MALRD1: variants seen among roughly 807,000 people sequenced by gnomAD.
MALRD1 encodes the protein MAM and LDL-receptor class A domain-containing protein 1.
In MALRD1, 247 loss-of-function variants were observed where a neutral mutation model predicts 242.1. The observed-to-expected ratio is 1.02, with a 90% CI of 0.92 to 1.13. The LOEUF is 1.13. Among genes scored for constraint, MALRD1 ranks in the 50% most tolerant of loss-of-function variants. The pLI is 0.00. For missense variants in MALRD1, 2,989 were observed against 2,533.1 expected (o/e 1.18, Z -3.86); for synonymous variants, 995 against 866.6 (o/e 1.15, Z -2.60).
intron 33 of MALRD1, among the ~76,000 whole-genome samples, chr10:19,590,745 C>T (rs891543798): frequency 6.6e-6 from 1 of 151,792 alleles, no homozygotes; most frequent in East Asian, 1.9e-4. Context: ...ACTTTATATT[C>T]TACAGCAGTT....
chr10:19,103,566 T>TAAAAAAA (rs1349573768), intron 4 of MALRD1, among the ~76,000 whole-genome samples: 123 of 139,450 alleles, frequency 8.8e-4, no homozygotes, highest in Admixed American at 2.9e-3. Flanking sequence ...AAAAAAAAAA[T>TAAAAAAA]AAATAAAGAT....
At chr10:19,110,218 C>T (rs1465391283) in intron 5 of MALRD1, among the ~76,000 whole-genome samples, 1 of 152,160 alleles carries the variant, frequency 6.6e-6, no homozygotes. Flanking sequence ...GTCTTGCTAA[C>T]ATCACTCCAG....
At chr10:19,198,634 G>A (rs986334097) in intron 14 of MALRD1, among the ~76,000 whole-genome samples, 9 of 152,226 alleles carry the variant, frequency 5.9e-5, no homozygotes, top group African/African-American at 9.6e-5. Context: ...AGAAGCATAA[G>A]AGACCCATGA....
intron 15 of MALRD1, 50 bp downstream of exon 15, chr10:19,203,930 A>G: frequency 6.5e-7 from 1 of 1,543,270 alleles, no homozygotes; most frequent in Non-Finnish European, 8.8e-7. Flanking sequence ...CTGTTTAGTT[A>G]GACTTCAGAA....
chr10:19,353,061 C>A (rs756907041), intron 26 of MALRD1, among the ~76,000 whole-genome samples: 10 of 151,820 alleles, frequency 6.6e-5, no homozygotes, highest in Non-Finnish European at 1.5e-4. Context: ...CACTGGAGTG[C>A]AGTGGTACAA....
Position 19,069,705 on chromosome 10 carries a change from A to G in MALRD1, c.340+2846A>G, listed in dbSNP as rs1030265245. On this transcript the variant is annotated intron_variant, in intron 2 of 39. Coordinates refer to ENST00000454679, the MANE Select transcript of MALRD1 (RefSeq NM_001142308.3). The stretch of plus-strand genomic sequence containing the variant: ...TTTTTTCTTTTAGTGCTTTAAAGAC[A>G]TTATTTTGCTGTCTTCACCTAGTTT... Among the ~76,000 whole-genome samples the G allele has an allele frequency of 1.2e-4, 18 of 150,086 alleles. 1 individual carries two copies. The highest frequency in any genetic ancestry group is 5.3e-4 in the Admixed American group (8 of 15,044).
chr10:19,209,553 A>G lies in MALRD1; in HGVS notation c.2864A>G (p.Tyr955Cys), dbSNP rs1025430900. 3.2e-6 allele frequency: 5 copies of G among 1,550,704 alleles called. No homozygotes were observed. In the African/African-American group the frequency reaches 6.8e-5, roughly 21 times the overall value. Residue 955 changes from tyrosine to cysteine, a missense_variant, in exon 18 of 40, where the codon TAT (tyrosine) becomes TGT (cysteine). Physicochemically the swap from Tyr to Cys is radical, Grantham distance 194 (BLOSUM62 -2). Transcript: ENST00000454679. ...TACCACATGTTTGGAAAGCGCATTT[A>G]TAGGTTGGCAATCTACCAACGAATC... ...FYYHMFGKRI[Y>C]RLAIYQRIWS...
intron 18 of MALRD1, among the ~76,000 whole-genome samples, chr10:19,214,615 A>G (rs539260282): frequency 6.6e-6 from 1 of 152,158 alleles, no homozygotes; most frequent in South Asian, 2.1e-4. Flanking sequence ...AAATGAAGTT[A>G]AAGGGTAAAC....
chr10:19,586,654 T>C lies in MALRD1; in HGVS notation c.5681-8540T>C, dbSNP rs374513711. ...AGCTGTCAGACAGGGACATTTAAGT[T>C]TGCAGAGGTTACTGCTGTCTTTTTG... On this transcript the variant is annotated intron_variant, in intron 33 of 39. Coordinates refer to ENST00000454679, the MANE Select transcript of MALRD1 (RefSeq NM_001142308.3). 4.1e-4 allele frequency among the ~76,000 whole-genome samples: 62 copies of C among 152,306 alleles called. No homozygotes were observed. The East Asian group carries it at 9.9e-3, about 24-fold the overall frequency.
intron 36 of MALRD1, among the ~76,000 whole-genome samples, chr10:19,661,259 A>G (rs1279905064): frequency 6.6e-6 from 1 of 152,214 alleles, no homozygotes; most frequent in Non-Finnish European, 1.5e-5. Flanking sequence ...TAGAAATACC[A>G]TTTGTTCCAG....
intron 31 of MALRD1, among the ~76,000 whole-genome samples, chr10:19,527,523 C>T (rs143888203): frequency 2.0e-5 from 3 of 152,108 alleles, no homozygotes; most frequent in Admixed American, 2.0e-4. Flanking sequence ...CTTTCAACAT[C>T]AGGTTGACAC....
intron 23 of MALRD1, 33 bp downstream of exon 23, chr10:19,327,706 G>T: frequency 6.8e-7 from 1 of 1,474,112 alleles, no homozygotes; most frequent in Non-Finnish European, 9.3e-7. Context: ...GGGTGAGTGA[G>T]TTCTGCTGAT....
At position 19,521,284 on chromosome 10, in the gene MALRD1, A is replaced by G. The variant is rs1234039988; in HGVS notation, c.5321-9910A>G. Among the ~76,000 whole-genome samples, 2 of 152,126 alleles carry G rather than the reference A, an allele frequency of 1.3e-5. 1 individual carries two copies. Among genetic ancestry groups the G allele is most frequent in the Non-Finnish European group, 2.9e-5 (2 of 68,008 alleles). ...ACTACTTAACCATTTCTATCTTTCC[A>G]TAATCTTGCTTCCTTTAATTTATTT... On this transcript the variant is annotated intron_variant, in intron 31 of 39. Coordinates refer to ENST00000454679, the MANE Select transcript of MALRD1 (RefSeq NM_001142308.3).
intron 13 of MALRD1, among the ~76,000 whole-genome samples, chr10:19,166,438 GA>G (rs1834689882): frequency 6.6e-6 from 1 of 152,154 alleles, no homozygotes; most frequent in Non-Finnish European, 1.5e-5. Context: ...TGGGGAGGAG[GA>G]GGTTAGGAAG....
chr10:19,201,214 C>T (rs968869178), intron 14 of MALRD1, among the ~76,000 whole-genome samples: 1 of 152,010 alleles, frequency 6.6e-6, no homozygotes, highest in Non-Finnish European at 1.5e-5. Flanking sequence ...TAATGGCTAA[C>T]TAGAAGACTA....
At chr10:19,443,218 T>G (rs1272775597) in intron 28 of MALRD1, among the ~76,000 whole-genome samples, 3 of 152,196 alleles carry the variant, frequency 2.0e-5, no homozygotes, top group African/African-American at 7.2e-5. Context: ...CTTTTCTTCT[T>G]TATTAGTCTT....
At chr10:19,157,589 G>A (rs554061129) in intron 12 of MALRD1, among the ~76,000 whole-genome samples, 4 of 152,052 alleles carry the variant, frequency 2.6e-5, no homozygotes, top group Admixed American at 2.0e-4. Flanking sequence ...CAAACAGAAC[G>A]AATTCTTACC....
chr10:19,709,905 C>T (rs551917013), intron 38 of MALRD1, among the ~76,000 whole-genome samples: 4 of 152,288 alleles, frequency 2.6e-5, no homozygotes, highest in Non-Finnish European at 4.4e-5. Context: ...TGAAAAACCT[C>T]TGGAAAGTAG....
intron 14 of MALRD1, among the ~76,000 whole-genome samples, chr10:19,179,476 C>T (rs1835403979): frequency 6.6e-6 from 1 of 151,890 alleles, no homozygotes; most frequent in African/African-American, 2.4e-5. Flanking sequence ...ATCACAAAAC[C>T]CCATCTCTAC....
Sources: gnomAD v4.1 joint callset for allele counts (sites outside exome capture counted in the v4.1 genomes callset) on GRCh38, gnomAD v4.1.1 for gene constraint, MANE v1.5 for transcripts, NCBI Gene and HGNC (gene_info 2026-07-23, HGNC 2026-07-21) for gene names.